Variants in SPATS2 observed in about 807,000 individuals in gnomAD.
SPATS2 encodes spermatogenesis associated serine rich 2.
In SPATS2, 38 loss-of-function variants were observed where a neutral mutation model predicts 63.7. That is an observed-to-expected ratio of 0.60 (90% CI 0.46 to 0.78). SPATS2 has a LOEUF of 0.78. Among genes scored for constraint, SPATS2 ranks in the 30% least tolerant of loss-of-function variants. The pLI, the probability that SPATS2 is intolerant of heterozygous loss-of-function variation, is 0.00. For synonymous variants in SPATS2, 207 were observed against 232.9 expected (o/e 0.89, Z 1.01); for missense variants, 588 against 666.2 (o/e 0.88, Z 1.29).
At chr12:49,419,126 T>C (rs879759916) in intron 2 of SPATS2, among the ~76,000 whole-genome samples, 34 of 152,076 alleles carry the variant, frequency 2.2e-4, no homozygotes, top group Non-Finnish European at 4.3e-4. Flanking sequence ...GAGTTAACTT[T>C]TTATGCTTTT....
chr12:49,465,907 G>A (rs1173077122), intron 3 of SPATS2, among the ~76,000 whole-genome samples: 2 of 151,906 alleles, frequency 1.3e-5, no homozygotes, highest in Non-Finnish European at 2.9e-5. Flanking sequence ...TCACGCCATT[G>A]CACTCCAGCC....
rs112292537 is a variant in SPATS2 at position 49,407,883 on chromosome 12, C to T, written c.-244+36593C>T. Among the ~76,000 whole-genome samples, 1,132 of 152,260 alleles carry T rather than the reference C, an allele frequency of 7.4e-3. 10 individuals carry two copies. The highest frequency in any genetic ancestry group is 0.025 in the African/African-American group (1,058 of 41,532). ...CATATTGTCAGTGCAGCTTTTGCACCGCCAACAGCAGAGCTGAGTATTGTG... is the reference window on the plus strand; with the variant it reads ...CATATTGTCAGTGCAGCTTTTGCACTGCCAACAGCAGAGCTGAGTATTGTG... On this transcript the variant is annotated intron_variant, in intron 2 of 13. Transcript: ENST00000552918.
At chr12:49,371,959 T>C (rs904095391) in intron 2 of SPATS2, among the ~76,000 whole-genome samples, 1 of 151,960 alleles carries the variant, frequency 6.6e-6, no homozygotes, top group African/African-American at 2.4e-5. Flanking sequence ...CAGGTTTTTT[T>C]TTTTTTTTTC....
intron 2 of SPATS2, among the ~76,000 whole-genome samples, chr12:49,389,344 C>T (rs1382883453): frequency 1.3e-5 from 2 of 152,190 alleles, no homozygotes; most frequent in Non-Finnish European, 2.9e-5. Context: ...ACTGGCTTCA[C>T]GGCCACACCT....
At chr12:49,518,999 A>G (rs1592481106) in intron 10 of SPATS2, 74 bp from the exon 11 acceptor site, 1 of 1,243,846 alleles carries the variant, frequency 8.0e-7, no homozygotes, top group East Asian at 2.5e-5. Context: ...TACCTACTGC[A>G]AGGCTTATAT....
intron 2 of SPATS2, among the ~76,000 whole-genome samples, chr12:49,436,060 C>T (rs1461489516): frequency 6.6e-6 from 1 of 151,912 alleles, no homozygotes; most frequent in South Asian, 2.1e-4. Flanking sequence ...ACAGACATGG[C>T]AACCATCCGA....
At chr12:49,522,501 TTC>T (rs1029864355) in intron 11 of SPATS2, among the ~76,000 whole-genome samples, 2 of 152,222 alleles carry the variant, frequency 1.3e-5, no homozygotes, top group Non-Finnish European at 2.9e-5. Context: ...TCTCTGTAGT[TTC>T]TCTTGATTAT....
chr12:49,436,903 C>T (rs113364139), intron 2 of SPATS2, among the ~76,000 whole-genome samples: 3 of 142,252 alleles, frequency 2.1e-5, no homozygotes, highest in East Asian at 2.2e-4. Context: ...GCTGGCCGGG[C>T]GGGGGGATGA....
intron 2 of SPATS2, among the ~76,000 whole-genome samples, chr12:49,418,903 T>G (rs1944934977): frequency 1.3e-5 from 2 of 152,216 alleles, no homozygotes; most frequent in Non-Finnish European, 2.9e-5. Flanking sequence ...AATAGGTACT[T>G]TCAGATCTTG....
chr12:49,519,992 T>C (rs1209385201), intron 11 of SPATS2, among the ~76,000 whole-genome samples: 1 of 151,600 alleles, frequency 6.6e-6, no homozygotes, highest in Non-Finnish European at 1.5e-5. Context: ...TTTTTTTTTT[T>C]TTTTGATTCG....
chr12:49,450,392 C>T (rs1270359739), intron 2 of SPATS2, among the ~76,000 whole-genome samples: 3 of 151,894 alleles, frequency 2.0e-5, no homozygotes, highest in Non-Finnish European at 2.9e-5. Flanking sequence ...CACAGGCGCC[C>T]GACACCATGC....
At chr12:49,497,090 A>G (rs996510459) in intron 8 of SPATS2, 81 bp downstream of exon 8, 39 of 1,379,726 alleles carry the variant, frequency 2.8e-5, no homozygotes, top group Non-Finnish European at 3.7e-5. Context: ...CTGTTGCCAT[A>G]AATAAGGTTT....
At chr12:49,473,541 T>C (rs972316074) in intron 3 of SPATS2, among the ~76,000 whole-genome samples, 3 of 152,276 alleles carry the variant, frequency 2.0e-5, no homozygotes, top group Non-Finnish European at 4.4e-5. Context: ...TATTTAGTTC[T>C]ATTTTTGTAT....
At chr12:49,372,397 C>T (rs537293733) in intron 2 of SPATS2, among the ~76,000 whole-genome samples, 3 of 152,276 alleles carry the variant, frequency 2.0e-5, no homozygotes, top group South Asian at 2.1e-4. Flanking sequence ...CTGAAGGTAG[C>T]ACTTGATGGT....
At position 49,484,604 on chromosome 12, in the gene SPATS2, A is replaced by G; in HGVS notation, c.40A>G (p.Ile14Val). 1 of 1,613,934 alleles carries G rather than the reference A, an allele frequency of 6.2e-7. No individual in the cohort carries two copies. Among genetic ancestry groups the G allele is most frequent in the African/African-American group, 1.3e-5 (1 of 75,030 alleles). ...KQNQKDSSGF[I>V]FDLQSNTVLA... is the part of the protein sequence containing the mutation. ...TATTCTTTCAGATTCATCAGGATTCATTTTTGATTTGCAGTCCAATACCGT... is the reference window on the plus strand; with the variant it reads ...TATTCTTTCAGATTCATCAGGATTCGTTTTTGATTTGCAGTCCAATACCGT... The change falls in exon 4 of 14, where the codon ATT (isoleucine) becomes GTT (valine). Residue 14 changes from isoleucine to valine, a missense_variant. Physicochemically the swap from Ile to Val is conservative, Grantham distance 29 (BLOSUM62 3). Transcript: ENST00000552918.
At chr12:49,487,363 C>T (rs755388065) in intron 4 of SPATS2, among the ~76,000 whole-genome samples, 3 of 152,144 alleles carry the variant, frequency 2.0e-5, no homozygotes, top group South Asian at 4.1e-4. Context: ...TGGTGGTGCA[C>T]GTCTCTAATC....
At chr12:49,456,843 C>G (rs142342466) in intron 2 of SPATS2, among the ~76,000 whole-genome samples, 14 of 152,220 alleles carry the variant, frequency 9.2e-5, no homozygotes, top group Non-Finnish European at 1.5e-4. Flanking sequence ...ATTTTTAAGT[C>G]CTTGTATTGA....
intron 2 of SPATS2, among the ~76,000 whole-genome samples, chr12:49,437,630 C>T (rs1158115839): frequency 6.6e-6 from 1 of 152,210 alleles, no homozygotes; most frequent in East Asian, 1.9e-4. Flanking sequence ...AGCTGGAGAC[C>T]AGCCCGGCCA....
intron 2 of SPATS2, chr12:49,390,251 AT>A: frequency 2.5e-6 from 2 of 788,850 alleles, no homozygotes; most frequent in Non-Finnish European, 4.0e-6. Flanking sequence ...TCAATCCATT[AT>A]TTTTTTCTCT....
Sources: allele counts gnomAD v4.1 joint callset (sites outside exome capture counted in the v4.1 genomes callset), GRCh38; gene constraint gnomAD v4.1.1; transcripts MANE v1.5; gene names NCBI Gene and HGNC (gene_info 2026-07-23, HGNC 2026-07-21).